The following FBLN1 variants were observed in gnomAD, a reference collection of about 807,000 sequenced individuals.
FBLN1 encodes the protein fibulin-1.
FBLN1 carries 34 observed loss-of-function variants against 89.7 expected under a neutral mutation model. The ratio of observed to expected loss-of-function variants is 0.38; its 90% CI spans 0.29 to 0.50. FBLN1 has a LOEUF of 0.50. Among genes scored for constraint, FBLN1 ranks in the 20% least tolerant of loss-of-function variants. FBLN1 has a pLI of 0.92. For missense variants in FBLN1, 777 were observed against 988.1 expected (o/e 0.79, Z 2.86); for synonymous variants, 393 against 391.3 (o/e 1.00, Z -0.05).
intron 1 of FBLN1, among the ~76,000 whole-genome samples, chr22:45,508,553 G>A (rs950945563): frequency 4.7e-4 from 72 of 152,216 alleles, no homozygotes; most frequent in African/African-American, 1.5e-3. Flanking sequence ...GAGCCACCGC[G>A]CCCAGCCAGC....
chr22:45,591,913 C>T (rs2089140542), intron 16 of FBLN1, among the ~76,000 whole-genome samples: 1 of 131,740 alleles, frequency 7.6e-6, no homozygotes, highest in African/African-American at 2.7e-5. Flanking sequence ...ATTTTGCAGA[C>T]AGGAGGGAGG....
In FBLN1 at chr22:45,536,734, C is replaced by T. The variant is rs914791456; in HGVS notation, c.922+1397C>T. On this transcript the variant is annotated intron_variant, in intron 8 of 16. Transcript: ENST00000327858. This position sits in a 1 kb window ranked among gnomAD's most constrained non-coding sequence, Gnocchi z 5.1. Reference sequence around the variant, plus strand: ...GAGCTGAGATCACGCCACTGTACTCCAGCCTGGGTGACAGAGTGAGACTCC... The same window carrying T: ...GAGCTGAGATCACGCCACTGTACTCTAGCCTGGGTGACAGAGTGAGACTCC... Among the ~76,000 whole-genome samples the T allele has an allele frequency of 6.6e-6, 1 of 151,512 alleles. No individual in the cohort carries two copies. The highest frequency in any genetic ancestry group is 1.5e-5 in the Non-Finnish European group (1 of 67,942).
Position 45,557,327 on chromosome 22 carries a change from G to A in FBLN1, c.1697+6712G>A, listed in dbSNP as rs1312470495. 2.0e-5 allele frequency among the ~76,000 whole-genome samples: 3 copies of A among 152,332 alleles called. No homozygotes were observed. Among genetic ancestry groups the A allele is most frequent in the East Asian group, 1.9e-4 (1 of 5,192 alleles). On this transcript the variant is annotated intron_variant, in intron 14 of 16. Transcript: ENST00000327858. The surrounding 1 kb of genome is among the most constrained non-coding windows in gnomAD (Gnocchi z 4.9). ...ATCCAGAGTAAGTGTCTATTCCGGT[G>A]AGGACAAACCTCTGCCATTTCCATG...
At chr22:45,548,170 T>A (rs1334615216) in intron 12 of FBLN1, among the ~76,000 whole-genome samples, 1 of 152,136 alleles carries the variant, frequency 6.6e-6, no homozygotes, top group African/African-American at 2.4e-5. Context: ...CACCTCTGCC[T>A]CCTTGAGTAG....
chr22:45,553,661 C>T (rs1177289598), intron 14 of FBLN1, among the ~76,000 whole-genome samples: 1 of 152,226 alleles, frequency 6.6e-6, no homozygotes, highest in East Asian at 1.9e-4. Flanking sequence ...CCAGGCCCTG[C>T]TCTTTGTCCA....
intron 10 of FBLN1, among the ~76,000 whole-genome samples, chr22:45,542,637 G>C (rs931691871): frequency 6.6e-6 from 1 of 152,242 alleles, no homozygotes; most frequent in Non-Finnish European, 1.5e-5. Flanking sequence ...CCAGGAGCTA[G>C]AGATGTGTGC....
At chr22:45,516,028 G>A (rs1190654913) in intron 1 of FBLN1, among the ~76,000 whole-genome samples, 13 of 152,212 alleles carry the variant, frequency 8.5e-5, no homozygotes. Context: ...GGTAAGGCAG[G>A]CAGGCAGGGC....
Position 45,550,564 on chromosome 22 carries a change from T to C in FBLN1, c.1646T>C (p.Phe549Ser), listed in dbSNP as rs775855202. The C allele has an allele frequency of 9.3e-6, 15 of 1,614,012 alleles. No homozygotes were observed. In the Admixed American group the frequency reaches 2.5e-4, roughly 27 times the overall value. Residue 549 changes from phenylalanine to serine, a missense_variant, in exon 14 of 17, where the codon TTC becomes TCC. Physicochemically the swap from Phe to Ser is radical, Grantham distance 155. Coordinates refer to ENST00000327858, the MANE Select transcript of FBLN1 (RefSeq NM_006486.3). The surrounding 1 kb of genome is among the most constrained non-coding windows in gnomAD (Gnocchi z 8.4). ...NETCFNIQGG[F>S]RCLAFECPEN... ...ACCTGCTTCAACATCCAGGGCGGCT[T>C]CCGCTGCCTGGCCTTCGAGTGCCCT...
chr22:45,555,272 A>AATATATATAT (rs10648791), intron 14 of FBLN1, among the ~76,000 whole-genome samples: 13 of 44,534 alleles, frequency 2.9e-4, no homozygotes, highest in African/African-American at 4.6e-4. Context: ...TATAAAATGG[A>AATATATATAT]ATATATATAT....
intron 16 of FBLN1, among the ~76,000 whole-genome samples, chr22:45,596,026 C>T (rs374562874): frequency 5.3e-5 from 8 of 152,118 alleles, no homozygotes; most frequent in East Asian, 1.9e-4. Context: ...TGTCCCACCA[C>T]GCTCGGCTAA....
chr22:45,551,933 A>G (rs1180096460), intron 14 of FBLN1, among the ~76,000 whole-genome samples: 2 of 152,102 alleles, frequency 1.3e-5, no homozygotes, highest in African/African-American at 4.8e-5. Flanking sequence ...CCTTTCGAAG[A>G]GGGGGAGGCT....
Position 45,588,634 on chromosome 22 carries a change from C to G in FBLN1, c.1972+11526C>G, listed in dbSNP as rs2089108365. On this transcript the variant is annotated intron_variant, in intron 16 of 16. Coordinates refer to ENST00000327858, the MANE Select transcript of FBLN1 (RefSeq NM_006486.3). This position sits in a 1 kb window ranked among gnomAD's most constrained non-coding sequence, Gnocchi z 5.1. ...AGAGTCACCAAGGGGTTAAAAGGGG[C>G]TGGGAACAGCCTCTTAGTCTCCAGA... is the stretch of plus-strand genomic sequence containing the variant. Among the ~76,000 whole-genome samples the G allele has an allele frequency of 6.7e-6, 1 of 149,056 alleles. No individual in the cohort carries two copies. The highest frequency in any genetic ancestry group is 1.5e-5 in the Non-Finnish European group (1 of 66,980).
rs745807740 is a variant in FBLN1, at chr22:45,541,351, G to C, written c.1045G>C (p.Glu349Gln). 3.7e-6 allele frequency: 6 copies of C among 1,614,254 alleles called. No homozygotes were observed. The highest frequency in any genetic ancestry group is 5.1e-6 in the Non-Finnish European group (6 of 1,180,048). ...PNCGRGYHLN[E>Q]EGTRCVDVDE... ...CTGTGGCCGTGGCTACCATCTCAAC[G>C]AGGAGGGAACGCGCTGTGTTGGTTG... The change falls in exon 9 of 17, where the codon GAG (glutamate) becomes CAG (glutamine). Residue 349 changes from glutamate (E) to glutamine (Q), a missense_variant. Physicochemically the swap from Glu to Gln is conservative, Grantham distance 29. Coordinates refer to ENST00000327858, the MANE Select transcript of FBLN1 (RefSeq NM_006486.3).
intron 2 of FBLN1, among the ~76,000 whole-genome samples, chr22:45,520,102 G>A (rs937066882): frequency 6.6e-6 from 1 of 152,264 alleles, no homozygotes; most frequent in East Asian, 1.9e-4. Flanking sequence ...CCCGGGAAGC[G>A]GAGGTTGCAG....
chr22:45,574,245 A>G lies in FBLN1; in HGVS notation c.1698-266A>G, dbSNP rs1237966784. ...GATGCTCAATTCGTGCAGTTGACAA[A>G]TGTCCAAGCTGTGCTTATCCGCCAG... On this transcript the variant is annotated intron_variant, in intron 14 of 16. Transcript: ENST00000327858. This position sits in a 1 kb window ranked among gnomAD's most constrained non-coding sequence, Gnocchi z 4.1. 4.6e-5 allele frequency among the ~76,000 whole-genome samples: 7 copies of G among 152,238 alleles called. No individual in the cohort carries two copies. The highest frequency in any genetic ancestry group is 3.9e-4 in the Admixed American group (6 of 15,280).
intron 14 of FBLN1, among the ~76,000 whole-genome samples, chr22:45,560,219 A>G (rs1301821507): frequency 6.6e-6 from 1 of 152,206 alleles, no homozygotes; most frequent in African/African-American, 2.4e-5. Flanking sequence ...CTGCCACCTC[A>G]GGATCCAATT....
intron 11 of FBLN1, among the ~76,000 whole-genome samples, chr22:45,544,304 C>G (rs2088598032): frequency 1.3e-5 from 2 of 152,236 alleles, no homozygotes; most frequent in Admixed American, 1.3e-4. Flanking sequence ...CCAGGCTGGT[C>G]TTGAACTCCT....
intron 1 of FBLN1, among the ~76,000 whole-genome samples, chr22:45,514,595 G>T (rs1416931509): frequency 3.3e-5 from 5 of 152,192 alleles, no homozygotes; most frequent in Non-Finnish European, 7.3e-5. Flanking sequence ...CCACCCCCTG[G>T]GACGATGGAG....
intron 3 of FBLN1, among the ~76,000 whole-genome samples, chr22:45,527,500 A>G (rs2088344465): frequency 6.6e-6 from 1 of 152,052 alleles, no homozygotes; most frequent in Non-Finnish European, 1.5e-5. Flanking sequence ...GCATGGTGCT[A>G]TAAGAAGCTC....
Sources: gnomAD v4.1 joint callset for allele counts (sites outside exome capture counted in the v4.1 genomes callset) on GRCh38, gnomAD v4.1.1 for gene constraint, Gnocchi (gnomAD v3.1) non-coding constraint, MANE v1.5 for transcripts, NCBI Gene and HGNC (gene_info 2026-07-23, HGNC 2026-07-21) for gene names.